Variants in TIGD6 observed in about 807,000 individuals in gnomAD.
The protein encoded by TIGD6 is tigger transposable element derived 6.
Under a neutral mutation model 2.6 loss-of-function variants are expected in TIGD6, and 1 was observed. The ratio of observed to expected loss-of-function variants is 0.39; its 90% confidence interval spans 0.14 to 1.85. TIGD6 has a LOEUF of 1.85. Ranked by LOEUF, TIGD6 falls within the 40% of genes most tolerant of loss-of-function variation. The pLI is 0.32. For synonymous variants in TIGD6, 193 were observed against 221.9 expected (o/e 0.87, Z 1.16); for missense variants, 601 against 634.2 (o/e 0.95, Z 0.56).
At position 149,995,624 on chromosome 5, in the gene TIGD6, T is replaced by A; in HGVS notation, c.725A>T (p.His242Leu). The part of the protein sequence containing the change: ...SASPHCLKNI[H>L]SLPCDYRANQ... Reference sequence around the variant, plus strand: ...GGCTCGGTAATCACAAGGGAGGGAATGAATGTTCTTGAGGCAGTGTGGGCT... The same window carrying A: ...GGCTCGGTAATCACAAGGGAGGGAAAGAATGTTCTTGAGGCAGTGTGGGCT... The change falls in exon 2 of 2, where the codon CAT (histidine) becomes CTT (leucine). Residue 242 changes from histidine (H) to leucine (L), a missense_variant. By Grantham distance (99) the His-to-Leu change is moderately conservative (BLOSUM62 -3). Transcript: ENST00000296736. 1 of 1,614,240 alleles carries A rather than the reference T, an allele frequency of 6.2e-7. No individual in the cohort carries two copies. The highest frequency in any genetic ancestry group is 8.5e-7 in the Non-Finnish European group (1 of 1,180,044).
intron 1 of TIGD6, among the ~76,000 whole-genome samples, chr5:149,999,075 TG>T (rs1359481300): frequency 2.0e-5 from 3 of 152,232 alleles, no homozygotes; most frequent in Admixed American, 6.5e-5. Context: ...TAGAATGTCC[TG>T]GTCAGGAACA....
At position 149,995,510 on chromosome 5, in the gene TIGD6, A is replaced by G; in HGVS notation, c.839T>C (p.Leu280Pro). Residue 280 changes from leucine to proline, a missense_variant, in exon 2 of 2, where the codon CTC becomes CCC. Coordinates refer to ENST00000296736, the MANE Select transcript of TIGD6 (RefSeq NM_030953.4). ...AGCAGAGCAGTTGTCTATGAGCAAG[A>G]GGATCCGGCGTTCCGCCCTCTTCAT... ...ARMKRAERRI[L>P]LLIDNCSAHN... The G allele has an allele frequency of 6.2e-7, 1 of 1,614,264 alleles. No homozygotes were observed. Among genetic ancestry groups the G allele is most frequent in the Non-Finnish European group, 8.5e-7 (1 of 1,180,048 alleles).
chr5:149,995,363 T>C lies in TIGD6; in HGVS notation c.986A>G (p.His329Arg), dbSNP rs540940637. ...IHTMKVLYQS[H>R]LLKQILLKLN... The stretch of plus-strand genomic sequence containing the variant: ...CTTGAGGAGGATCTGTTTTAGAAGG[T>C]GGCTCTGGTACAGTACTTTCATGGT... Residue 329 changes from histidine (H) to arginine (R), a missense_variant, in exon 2 of 2, where the codon CAC becomes CGC. Physicochemically the swap from His to Arg is conservative, Grantham distance 29 (BLOSUM62 0). Transcript: ENST00000296736. 4.3e-6 allele frequency: 7 copies of C among 1,614,190 alleles called. 1 individual carries two copies. The highest frequency in any genetic ancestry group is 1.7e-4 in the Middle Eastern group (1 of 6,060).
chr5:149,995,807 G>C lies in TIGD6; in HGVS notation c.542C>G (p.Thr181Arg). ...GGGAAGCAACTGGAAAAACACTCCT[G>C]TCTCATCAGCATTAAAGATATCATC... is the stretch of plus-strand genomic sequence containing the variant. ...SPDDIFNADE[T>R]GVFFQLLPQH... Residue 181 changes from threonine to arginine, a missense_variant, in exon 2 of 2, where the codon ACA becomes AGA. Coordinates refer to ENST00000296736, the MANE Select transcript of TIGD6 (RefSeq NM_030953.4). 1 of 1,614,192 alleles carries C rather than the reference G, an allele frequency of 6.2e-7. No individual in the cohort carries two copies. Among genetic ancestry groups the C allele is most frequent in the Non-Finnish European group, 8.5e-7 (1 of 1,180,050 alleles).
chr5:149,996,479 A>G, intron 1 of TIGD6, 50 bp from the exon 2 acceptor site: 1 of 1,324,188 alleles, frequency 7.6e-7, no homozygotes, highest in Non-Finnish European at 1.0e-6. Flanking sequence ...ATTTCCCCTA[A>G]AAGATGGTTC....
chr5:149,998,637 T>C (rs1755456302), intron 1 of TIGD6, among the ~76,000 whole-genome samples: 1 of 152,240 alleles, frequency 6.6e-6, no homozygotes, highest in South Asian at 2.1e-4. Flanking sequence ...GTAATTGCCT[T>C]CGTAGGCATT....
At position 149,994,610 on chromosome 5, in the gene TIGD6, CAAAAG is replaced by C. The variant is rs1416236197; in HGVS notation, c.*168_*172del. The C allele has an allele frequency of 4.9e-6, 3 of 614,992 alleles. No individual in the cohort carries two copies. Among genetic ancestry groups the C allele is most frequent in the Non-Finnish European group, 7.5e-6 (3 of 399,430 alleles). The allele number at this position is 614,992 out of a possible 1,614,324, so 38.1% of individuals were successfully genotyped here. A position where few individuals can be genotyped will look rare whatever the true frequency, so the allele number is the denominator to read the frequency against. On this transcript the variant is annotated 3_prime_UTR_variant, in exon 2 of 2. Coordinates refer to ENST00000296736, the MANE Select transcript of TIGD6 (RefSeq NM_030953.4). ...ATCAAGGACCAGAGACAGCCAAAAA[CAAAAG>C]AAAAGAAAACACACATATTAGTCAA...
chr5:149,998,814 A>C (rs767400243), intron 1 of TIGD6, among the ~76,000 whole-genome samples: 5 of 152,236 alleles, frequency 3.3e-5, no homozygotes, highest in African/African-American at 7.2e-5. Context: ...ACAGAGATGA[A>C]TGGAGCATAG....
At chr5:149,996,480 A>G in intron 1 of TIGD6, 51 bp from the exon 2 acceptor site, 2 of 1,309,428 alleles carry the variant, frequency 1.5e-6, no homozygotes, top group Non-Finnish European at 1.0e-6. Context: ...TTTCCCCTAA[A>G]AGATGGTTCA....
Position 149,995,855 on chromosome 5 carries a change from T to G in TIGD6, c.494A>C (p.Lys165Thr). 1 of 1,614,204 alleles carries G rather than the reference T, an allele frequency of 6.2e-7. No individual in the cohort carries two copies. The highest frequency in any genetic ancestry group is 8.5e-7 in the Non-Finnish European group (1 of 1,180,032). Residue 165 changes from lysine to threonine, a missense_variant, in exon 2 of 2, where the codon AAA becomes ACA. Lys to Thr is a moderately conservative substitution (Grantham distance 78). Coordinates refer to ENST00000296736, the MANE Select transcript of TIGD6 (RefSeq NM_030953.4). ...INEWHAGEII[K>T]LIADYSPDDI... ...ATCTGGGCTGTAGTCAGCAATCAGT[T>G]TTATAATTTCCCCTGCATGCCACTC... is the stretch of plus-strand genomic sequence containing the variant.
In TIGD6 at chr5:149,994,782, ATTATT is replaced by A; in HGVS notation, c.1562_1566del (p.Lys521MetfsTer19). ...TACATTTTCTGAAATAAATTCCTGC[ATTATT>A]TTGTTTGGAGGAAATCTGTAATTTT... is the stretch of plus-strand genomic sequence containing the variant. On this transcript the variant is annotated frameshift_variant and stop_lost, in exon 2 of 2. Transcript: ENST00000296736. LOFTEE classifies it high-confidence loss of function. 1 of 1,510,088 alleles carries A rather than the reference ATTATT, an allele frequency of 6.6e-7. No individual in the cohort carries two copies. Among genetic ancestry groups the A allele is most frequent in the East Asian group, 2.3e-5 (1 of 43,724 alleles). The allele number at this position is 1,510,088 out of a possible 1,614,324, so 93.5% of individuals were successfully genotyped here.
At chr5:149,999,240 G>T (rs778378170) in intron 1 of TIGD6, among the ~76,000 whole-genome samples, 1 of 152,132 alleles carries the variant, frequency 6.6e-6, no homozygotes, top group African/African-American at 2.4e-5. Flanking sequence ...TCTTTTGGTT[G>T]CAGGGTAGAG....
At position 149,996,422 on chromosome 5, in the gene TIGD6, G is replaced by A. The variant is rs1755392643; in HGVS notation, c.-74C>T. The A allele has an allele frequency of 6.6e-7, 1 of 1,513,088 alleles. No individual in the cohort carries two copies. The highest frequency in any genetic ancestry group is 1.4e-5 in the African/African-American group (1 of 71,662). The allele number at this position is 1,513,088 out of a possible 1,614,324, so 93.7% of individuals were successfully genotyped here. A position where few individuals can be genotyped will look rare whatever the true frequency, so the allele number is the denominator to read the frequency against. ...CCTCGCGGCTTGCTTTGCCCCAAGTGTGGAAAGCTGAGAAGACAAAATGGA... is the reference window on the plus strand; with the variant it reads ...CCTCGCGGCTTGCTTTGCCCCAAGTATGGAAAGCTGAGAAGACAAAATGGA... On this transcript the variant is annotated 5_prime_UTR_variant, in exon 2 of 2. Transcript: ENST00000296736.
At chr5:149,997,443 C>T (rs527669656) in intron 1 of TIGD6, among the ~76,000 whole-genome samples, 59 of 151,782 alleles carry the variant, frequency 3.9e-4, no homozygotes, top group Middle Eastern at 3.4e-3. Context: ...GATGCTAAGG[C>T]AGGAGAATCA....
In TIGD6 at chr5:149,993,381, G is replaced by A. The variant is rs1054259258; in HGVS notation, c.*1402C>T. On this transcript the variant is annotated 3_prime_UTR_variant, in exon 2 of 2. Transcript: ENST00000296736. ...TGACATCACACCATTAGCAGGTATTGTGTGAAACTTCTAAAAATGAAACTG... is the reference window on the plus strand; with the variant it reads ...TGACATCACACCATTAGCAGGTATTATGTGAAACTTCTAAAAATGAAACTG... The A allele has an allele frequency of 3.9e-5, 6 of 152,158 alleles. No homozygotes were observed. Among genetic ancestry groups the A allele is most frequent in the Non-Finnish European group, 7.4e-5 (5 of 68,026 alleles). The allele number at this position is 152,158 out of a possible 1,614,324, so 9.4% of individuals were successfully genotyped here.
At position 149,995,723 on chromosome 5, in the gene TIGD6, C is replaced by T. The variant is rs374572297; in HGVS notation, c.626G>A (p.Arg209Gln). 1.1e-4 allele frequency: 170 copies of T among 1,614,076 alleles called. No homozygotes were observed. Among genetic ancestry groups the T allele is most frequent in the South Asian group, 1.6e-4 (15 of 91,084 alleles). ...ATTGCAACAAAAGAGTGCTGTCAAC[C>T]GCTGCTTTGCTTTCTTGCCCCCTCT... ...HCRGGKKAKQ[R>Q]LTALFCCNAS... The change falls in exon 2 of 2, where the codon CGG (arginine) becomes CAG (glutamine). Residue 209 changes from arginine (R) to glutamine (Q), a missense_variant. By Grantham distance (43) the Arg-to-Gln change is conservative. Coordinates refer to ENST00000296736, the MANE Select transcript of TIGD6 (RefSeq NM_030953.4).
chr5:150,000,057 T>G (rs1273210785), intron 1 of TIGD6: 1 of 154,640 alleles, frequency 6.5e-6, no homozygotes, highest in Non-Finnish European at 1.5e-5. Context: ...TGCAGAGAAG[T>G]AGGCAGACTG....
At position 149,996,063 on chromosome 5, in the gene TIGD6, C is replaced by T; in HGVS notation, c.286G>A (p.Val96Met). Residue 96 changes from valine (V) to methionine (M), a missense_variant, in exon 2 of 2, where the codon GTG becomes ATG. Val to Met is a conservative substitution (Grantham distance 21). Transcript: ENST00000296736. ...TTTTTCCGAATGACAGAACCAGTCACAAGAATGTTTTTGGCATGGATTTCT... is the reference window on the plus strand; with the variant it reads ...TTTTTCCGAATGACAGAACCAGTCATAAGAATGTTTTTGGCATGGATTTCT... Reference protein sequence around the residue: ...FQEIHAKNILVTGSVIRKKAL... With the variant: ...FQEIHAKNILMTGSVIRKKAL... The T allele has an allele frequency of 6.2e-7, 1 of 1,613,632 alleles. No homozygotes were observed. The highest frequency in any genetic ancestry group is 1.1e-5 in the South Asian group (1 of 91,084).
chr5:149,999,297 GA>G (rs1397607231), intron 1 of TIGD6, among the ~76,000 whole-genome samples: 6 of 152,164 alleles, frequency 3.9e-5, no homozygotes, highest in African/African-American at 1.4e-4. Context: ...CCTTAAATCT[GA>G]AGATAAAAGC....
Sources: allele counts gnomAD v4.1 joint callset (sites outside exome capture counted in the v4.1 genomes callset), GRCh38; gene constraint gnomAD v4.1.1; transcripts MANE v1.5; gene names NCBI Gene and HGNC (gene_info 2026-07-23, HGNC 2026-07-21).